The following CTNND2 variants were observed in gnomAD, a reference collection of about 807,000 sequenced individuals.
CTNND2 encodes the protein catenin delta 2.
A neutral mutation model predicts 144.4 loss-of-function variants in CTNND2; 22 were observed. That is an observed-to-expected ratio of 0.15 (90% CI 0.11 to 0.22). The LOEUF (loss-of-function observed/expected upper bound fraction) is 0.22, where lower values mean the gene tolerates loss of function less well. Among genes scored for constraint, CTNND2 ranks in the 10% least tolerant of loss-of-function variants. The pLI, the probability that CTNND2 is intolerant of heterozygous loss-of-function variation, is 1.00. For missense variants in CTNND2, 1,353 were observed against 1,618.8 expected, an observed-to-expected ratio of 0.84 and a Z score of 2.82; for synonymous variants, 751 against 695.6, an observed-to-expected ratio of 1.08 and a Z score of -1.25.
At chr5:11,575,781 C>T (rs1030190485) in intron 2 of CTNND2, among the ~76,000 whole-genome samples, 1 of 152,080 alleles carries the variant, frequency 6.6e-6, no homozygotes, top group African/African-American at 2.4e-5. Context: ...CTTTCTTTCC[C>T]ACCTCTTTTG....
intron 2 of CTNND2, among the ~76,000 whole-genome samples, chr5:11,593,529 G>C (rs1003884173): frequency 6.6e-6 from 1 of 152,168 alleles, no homozygotes; most frequent in African/African-American, 2.4e-5. Flanking sequence ...CAGGTGTCAT[G>C]GGAGGGACCT....
chr5:11,614,043 C>T (rs12517072), intron 2 of CTNND2, among the ~76,000 whole-genome samples: 4,004 of 152,206 alleles, frequency 0.026, 156 homozygotes, highest in East Asian at 0.14. Context: ...AGTTTGAATA[C>T]TTTCAATAAA....
chr5:11,846,186 T>A (rs965331964), intron 1 of CTNND2, among the ~76,000 whole-genome samples: 2 of 152,312 alleles, frequency 1.3e-5, no homozygotes, highest in South Asian at 2.1e-4. Context: ...TTTGTCATTG[T>A]TTTATTAAGT....
chr5:11,235,937 G>A (rs1398574949), intron 10 of CTNND2, among the ~76,000 whole-genome samples: 3 of 152,082 alleles, frequency 2.0e-5, no homozygotes, highest in African/African-American at 7.2e-5. Context: ...ACGCCATAAA[G>A]ATGACTCGTT....
intron 16 of CTNND2, among the ~76,000 whole-genome samples, chr5:11,037,192 G>T (rs80183379): frequency 1.3e-5 from 2 of 152,140 alleles, no homozygotes; most frequent in Non-Finnish European, 2.9e-5. Context: ...TCTCATGGCC[G>T]TCACTGACTA....
chr5:11,504,823 G>C (rs572220058), intron 3 of CTNND2, among the ~76,000 whole-genome samples: 1 of 152,240 alleles, frequency 6.6e-6, no homozygotes, highest in Admixed American at 6.5e-5. Context: ...TCCTACTACC[G>C]AGTGCAGCTT....
chr5:11,218,045 C>T (rs113744941), intron 10 of CTNND2, among the ~76,000 whole-genome samples: 1 of 151,440 alleles, frequency 6.6e-6, no homozygotes, highest in African/African-American at 2.4e-5. Context: ...CTTCTTCCTC[C>T]TTCCTCCTTC....
Position 11,018,168 on chromosome 5 carries a change from T to G in CTNND2, c.3000-110A>C, listed in dbSNP as rs879207465. ...TTCATTATTATTATATCTATTATGG[T>G]GATCTATGATCAGTGCTCCCTGATA... On this transcript the variant is annotated intron_variant, in intron 17 of 21. Transcript: ENST00000304623. 2.4e-5 allele frequency: 17 copies of G among 722,058 alleles called. No homozygotes were observed. The South Asian group carries it at 2.8e-4, about 12-fold the overall frequency. 44.7% of individuals were successfully genotyped at this position (722,058 alleles called of 1,614,324 possible).
At chr5:11,469,171 C>T (rs1397264713) in intron 3 of CTNND2, among the ~76,000 whole-genome samples, 1 of 152,176 alleles carries the variant, frequency 6.6e-6, no homozygotes, top group African/African-American at 2.4e-5. Flanking sequence ...GGATGCCATG[C>T]CAGCTTCCTC....
At chr5:11,184,461 T>C (rs966450625) in intron 11 of CTNND2, among the ~76,000 whole-genome samples, 3 of 152,186 alleles carry the variant, frequency 2.0e-5, no homozygotes, top group Non-Finnish European at 4.4e-5. Context: ...AAATCCAACA[T>C]GCATGAAAGC....
At chr5:11,521,429 C>T (rs1772704242) in intron 3 of CTNND2, among the ~76,000 whole-genome samples, 1 of 152,108 alleles carries the variant, frequency 6.6e-6, no homozygotes, top group South Asian at 2.1e-4. Flanking sequence ...CTTTCACTTA[C>T]CTTAGAGAGT....
rs918625422 is a variant in CTNND2, at chr5:11,673,117, T to C, written c.174+59019A>G. Among the ~76,000 whole-genome samples, 5 of 152,190 alleles carry C rather than the reference T, an allele frequency of 3.3e-5. No individual in the cohort carries two copies. The East Asian group carries it at 9.6e-4, about 29-fold the overall frequency. On this transcript the variant is annotated intron_variant, in intron 2 of 21. Transcript: ENST00000304623. ...CTTCTCATTTTCCAGTTTATCACTT[T>C]AATACTCATGGGTTTTACAATCAGA...
intron 1 of CTNND2, among the ~76,000 whole-genome samples, chr5:11,835,519 A>G (rs1240100880): frequency 6.6e-6 from 1 of 152,064 alleles, no homozygotes; most frequent in Non-Finnish European, 1.5e-5. Context: ...TATTCAGGTT[A>G]CCCATTTAAT....
chr5:11,101,789 A>C (rs1407581646), intron 14 of CTNND2, among the ~76,000 whole-genome samples: 2 of 152,196 alleles, frequency 1.3e-5, no homozygotes, highest in African/African-American at 2.4e-5. Context: ...AATTTTCTAT[A>C]TAATAAAGAG....
chr5:11,298,828 G>A (rs1749277413), intron 9 of CTNND2, among the ~76,000 whole-genome samples: 1 of 152,204 alleles, frequency 6.6e-6, no homozygotes, highest in African/African-American at 2.4e-5. Flanking sequence ...GTTTGCCCCA[G>A]TTTCCTTAGA....
Position 11,384,394 on chromosome 5 carries a change from G to C in CTNND2, c.1177+271C>G. On this transcript the variant is annotated intron_variant, in intron 7 of 21. Coordinates refer to ENST00000304623, the MANE Select transcript of CTNND2 (RefSeq NM_001332.4). This position sits in a 1 kb window ranked among gnomAD's most constrained non-coding sequence, Gnocchi z 5.2. ...ACTTTTATGAGTTAGTCTTTAGGCT[G>C]GGGAGAGGGCAGAGAGAGAAGAGAG... is the stretch of plus-strand genomic sequence containing the variant. The C allele has an allele frequency of 2.1e-6, 1 of 482,606 alleles. No individual in the cohort carries two copies. The highest frequency in any genetic ancestry group is 3.6e-6 in the Non-Finnish European group (1 of 274,160). 29.9% of individuals were successfully genotyped at this position (482,606 alleles called of 1,614,324 possible). A position where few individuals can be genotyped will look rare whatever the true frequency, so the allele number is the denominator to read the frequency against.
At chr5:11,749,940 G>T (rs1211723121) in intron 1 of CTNND2, among the ~76,000 whole-genome samples, 4 of 151,818 alleles carry the variant, frequency 2.6e-5, no homozygotes, top group Non-Finnish European at 4.4e-5. Context: ...TAATTATATA[G>T]CTATGATTAG....
intron 11 of CTNND2, among the ~76,000 whole-genome samples, chr5:11,195,571 A>C (rs897255191): frequency 1.3e-5 from 2 of 152,258 alleles, no homozygotes; most frequent in African/African-American, 4.8e-5. Context: ...TCCTTAACTA[A>C]AAGGAAAGGC....
intron 9 of CTNND2, among the ~76,000 whole-genome samples, chr5:11,248,445 T>C (rs1743237277): frequency 6.6e-6 from 1 of 151,984 alleles, no homozygotes; most frequent in Non-Finnish European, 1.5e-5. Flanking sequence ...ATACATATAG[T>C]ATGTGTGTGT....
Sources: allele counts gnomAD v4.1 joint callset (sites outside exome capture counted in the v4.1 genomes callset), GRCh38; gene constraint gnomAD v4.1.1; non-coding constraint Gnocchi (gnomAD v3.1); transcripts MANE v1.5; gene names NCBI Gene and HGNC (gene_info 2026-07-23, HGNC 2026-07-21).